CCDC148: variants seen among roughly 807,000 people sequenced by gnomAD.
The protein encoded by CCDC148 is coiled-coil domain-containing protein 148.
In CCDC148, 89 loss-of-function variants were observed where a neutral mutation model predicts 85.7. That is an observed-to-expected ratio of 1.04 (90% confidence interval 0.87 to 1.24). The LOEUF is 1.24. Among genes scored for constraint, CCDC148 ranks in the 50% most tolerant of loss-of-function variants. CCDC148 has a pLI of 0.00. For synonymous variants in CCDC148, 230 were observed against 213.9 expected (o/e 1.08, Z -0.66); for missense variants, 692 against 671.7 (o/e 1.03, Z -0.33).
intron 11 of CCDC148, among the ~76,000 whole-genome samples, chr2:158,186,689 A>G (rs1378035917): frequency 1.3e-5 from 2 of 151,920 alleles, no homozygotes; most frequent in East Asian, 3.9e-4. Context: ...AAATTTCTTA[A>G]CTGAGGAAGC....
At chr2:158,199,784 A>G (rs1685860204) in intron 11 of CCDC148, among the ~76,000 whole-genome samples, 1 of 152,196 alleles carries the variant, frequency 6.6e-6, no homozygotes, top group Non-Finnish European at 1.5e-5. Flanking sequence ...GGAACGAGCA[A>G]ATGTTTCTTT....
intron 11 of CCDC148, among the ~76,000 whole-genome samples, chr2:158,199,314 G>A (rs1040654878): frequency 5.3e-5 from 8 of 151,980 alleles, no homozygotes; most frequent in Middle Eastern, 3.4e-3. Flanking sequence ...GCACCATCTC[G>A]GCTCACTGCA....
chr2:158,424,041 G>T (rs897894693), intron 1 of CCDC148, among the ~76,000 whole-genome samples: 1 of 152,162 alleles, frequency 6.6e-6, no homozygotes, highest in African/African-American at 2.4e-5. Flanking sequence ...CAGTTAGAAT[G>T]GTGATCATTA....
At chr2:158,446,710 A>G (rs1367596641) in intron 1 of CCDC148, among the ~76,000 whole-genome samples, 1 of 152,176 alleles carries the variant, frequency 6.6e-6, no homozygotes, top group Non-Finnish European at 1.5e-5. Flanking sequence ...AACCATTACC[A>G]CTATCCACTT....
intron 7 of CCDC148, among the ~76,000 whole-genome samples, chr2:158,333,498 T>C (rs1300557217): frequency 6.6e-6 from 1 of 152,162 alleles, no homozygotes; most frequent in Non-Finnish European, 1.5e-5. Context: ...ATTTTGTTGA[T>C]TTGGGGTGGA....
chr2:158,195,927 T>C (rs1418806809), intron 11 of CCDC148, among the ~76,000 whole-genome samples: 1 of 152,128 alleles, frequency 6.6e-6, no homozygotes, highest in Non-Finnish European at 1.5e-5. Context: ...GCACAGCAGA[T>C]ATAGCACATC....
chr2:158,301,224 G>A (rs900432345), intron 9 of CCDC148, among the ~76,000 whole-genome samples: 1 of 152,232 alleles, frequency 6.6e-6, no homozygotes, highest in Non-Finnish European at 1.5e-5. Flanking sequence ...AGGGCAGAAT[G>A]TGAAACATAG....
chr2:158,232,423 T>A (rs1338321235), intron 10 of CCDC148, among the ~76,000 whole-genome samples: 1 of 152,086 alleles, frequency 6.6e-6, no homozygotes, highest in Admixed American at 6.6e-5. Flanking sequence ...ACTACACTTG[T>A]AAACAGAACA....
chr2:158,352,847 AG>A (rs1168883121), intron 2 of CCDC148, among the ~76,000 whole-genome samples: 1 of 152,160 alleles, frequency 6.6e-6, no homozygotes, highest in Non-Finnish European at 1.5e-5. Context: ...TTACTCTCAA[AG>A]GGAAGCCCAT....
Position 158,351,541 on chromosome 2 carries a change from G to A in CCDC148, c.148-6223C>T, listed in dbSNP as rs571776584. On this transcript the variant is annotated intron_variant, in intron 2 of 13. Coordinates refer to ENST00000283233, the MANE Select transcript of CCDC148 (RefSeq NM_138803.4). ...ACCGGCTTAAAAACCGGCGCATCAC[G>A]AGATTATATCCCGCACCTGGCTTGG... 2.2e-4 allele frequency among the ~76,000 whole-genome samples: 34 copies of A among 152,298 alleles called. No homozygotes were observed. The South Asian group carries it at 6.6e-3, about 30-fold the overall frequency.
intron 11 of CCDC148, among the ~76,000 whole-genome samples, chr2:158,193,135 A>C (rs1379006169): frequency 6.6e-6 from 1 of 152,080 alleles, no homozygotes; most frequent in Non-Finnish European, 1.5e-5. Context: ...GTTTCCCTGA[A>C]GACTAACACA....
intron 9 of CCDC148, among the ~76,000 whole-genome samples, chr2:158,251,315 T>C (rs1688784469): frequency 6.6e-6 from 1 of 151,846 alleles, no homozygotes; most frequent in Non-Finnish European, 1.5e-5. Flanking sequence ...ATCTCTGCAA[T>C]ATTTCAGCCT....
At chr2:158,373,336 C>T (rs1452054932) in intron 1 of CCDC148, among the ~76,000 whole-genome samples, 1 of 151,966 alleles carries the variant, frequency 6.6e-6, no homozygotes, top group East Asian at 1.9e-4. Context: ...TGTCTGACCT[C>T]CAGAATTGTA....
intron 1 of CCDC148, chr2:158,425,207 C>T: frequency 1.9e-6 from 1 of 534,886 alleles, no homozygotes; most frequent in Non-Finnish European, 3.7e-6. Context: ...GGAACCATGA[C>T]TATGCACAGG....
intron 9 of CCDC148, among the ~76,000 whole-genome samples, chr2:158,267,448 C>T (rs764621758): frequency 1.3e-5 from 2 of 152,150 alleles, no homozygotes; most frequent in African/African-American, 4.8e-5. Context: ...ATTAGTCACA[C>T]TGAATTGAAA....
intron 11 of CCDC148, among the ~76,000 whole-genome samples, chr2:158,213,738 T>C (rs1423053496): frequency 6.6e-6 from 1 of 152,204 alleles, no homozygotes; most frequent in African/African-American, 2.4e-5. Context: ...AATCTTTCAC[T>C]ACCCAACATA....
intron 1 of CCDC148, among the ~76,000 whole-genome samples, chr2:158,445,831 T>C (rs930961498): frequency 1.3e-5 from 2 of 152,130 alleles, no homozygotes; most frequent in African/African-American, 4.8e-5. Flanking sequence ...TATGGACATA[T>C]GTAGTATAGA....
chr2:158,189,066 A>G (rs1468720354), intron 11 of CCDC148, among the ~76,000 whole-genome samples: 1 of 152,000 alleles, frequency 6.6e-6, no homozygotes, highest in Non-Finnish European at 1.5e-5. Flanking sequence ...CAGAATGGCT[A>G]TAATTAAAAA....
At chr2:158,394,565 A>T (rs1314977665) in intron 1 of CCDC148, among the ~76,000 whole-genome samples, 1 of 152,042 alleles carries the variant, frequency 6.6e-6, no homozygotes, top group Non-Finnish European at 1.5e-5. Context: ...AATTCTGAGT[A>T]CTGAATCACC....
Sources: allele counts gnomAD v4.1 joint callset (sites outside exome capture counted in the v4.1 genomes callset), GRCh38; gene constraint gnomAD v4.1.1; transcripts MANE v1.5; gene names NCBI Gene and HGNC (gene_info 2026-07-23, HGNC 2026-07-21).